Variants in MAPK10 observed in about 807,000 individuals in gnomAD.
MAPK10 encodes JNK3 alpha protein kinase.
MAPK10 carries 25 observed loss-of-function variants against 59.3 expected under a neutral mutation model. The observed-to-expected ratio is 0.42, with a 90% CI of 0.31 to 0.59. MAPK10 has a LOEUF of 0.59. MAPK10 is among the 20% of genes least tolerant of loss of function. The pLI, the probability that MAPK10 is intolerant of heterozygous loss-of-function variation, is 0.15. For synonymous variants in MAPK10, 190 were observed against 200.5 expected, an observed-to-expected ratio of 0.95 and a Z score of 0.44; for missense variants, 351 against 568.9, an observed-to-expected ratio of 0.62 and a Z score of 3.90.
chr4:86,196,461 T>C (rs886655168), intron 2 of MAPK10, among the ~76,000 whole-genome samples: 1 of 152,240 alleles, frequency 6.6e-6, no homozygotes, highest in South Asian at 2.1e-4. Context: ...TTCTGGATAT[T>C]AGCCCTTTGT....
chr4:86,489,204 A>G (rs530898490), intron 1 of MAPK10, among the ~76,000 whole-genome samples: 1 of 152,266 alleles, frequency 6.6e-6, no homozygotes, highest in African/African-American at 2.4e-5. Flanking sequence ...CAACCACCAC[A>G]CTGATCCCAT....
At chr4:86,511,253 G>A (rs1054216397) in intron 1 of MAPK10, among the ~76,000 whole-genome samples, 1 of 151,530 alleles carries the variant, frequency 6.6e-6, no homozygotes, top group East Asian at 1.9e-4. Flanking sequence ...GGAGGCCAAG[G>A]TGAGTGGATT....
intron 2 of MAPK10, among the ~76,000 whole-genome samples, chr4:86,205,531 TTATAG>T (rs1328041188): frequency 1.3e-5 from 2 of 151,354 alleles, no homozygotes; most frequent in African/African-American, 4.9e-5. Flanking sequence ...GACAAGAAAA[TTATAG>T]TATAATCTTA....
rs73837440 is a variant in MAPK10 at position 86,197,777 on chromosome 4, T to C, written c.-6-3370A>G. Among the ~76,000 whole-genome samples, 1,158 of 152,220 alleles carry C rather than the reference T, an allele frequency of 7.6e-3. 15 individuals carry two copies. Among genetic ancestry groups the C allele is most frequent in the African/African-American group, 0.026 (1,099 of 41,542 alleles). On this transcript the variant is annotated intron_variant, in intron 2 of 13. Transcript: ENST00000641462. ...AAGGAAGACTGAAAGGATAAGAATA[T>C]ATAAGACATTCCTGAAGAAGAACAA... is the stretch of plus-strand genomic sequence containing the variant.
chr4:86,397,619 T>G (rs1449964269), intron 1 of MAPK10, among the ~76,000 whole-genome samples: 1 of 151,988 alleles, frequency 6.6e-6, no homozygotes, highest in East Asian at 1.9e-4. Flanking sequence ...GGGTGTGAGA[T>G]CCCTTCTTTC....
At chr4:86,442,330 T>C (rs1749512916) in intron 1 of MAPK10, among the ~76,000 whole-genome samples, 1 of 152,158 alleles carries the variant, frequency 6.6e-6, no homozygotes, top group Non-Finnish European at 1.5e-5. Context: ...AAAAATATAT[T>C]AGTTAATTTT....
intron 5 of MAPK10, among the ~76,000 whole-genome samples, chr4:86,105,127 A>G (rs1386921860): frequency 6.6e-6 from 1 of 152,120 alleles, no homozygotes; most frequent in Admixed American, 6.6e-5. Context: ...AATACAGAAA[A>G]CAGGGGACCA....
chr4:86,089,247 C>G (rs1483455334), intron 9 of MAPK10: 4 of 1,612,848 alleles, frequency 2.5e-6, no homozygotes, highest in South Asian at 1.1e-5. Context: ...TATCATTTCT[C>G]CCATGATGCA....
At chr4:86,221,205 AGAAG>A (rs2148640700) in intron 2 of MAPK10, among the ~76,000 whole-genome samples, 1 of 152,326 alleles carries the variant, frequency 6.6e-6, no homozygotes, top group Non-Finnish European at 1.5e-5. Context: ...CAAACTAAAC[AGAAG>A]TGAGGAGGTA....
intron 4 of MAPK10, among the ~76,000 whole-genome samples, chr4:86,130,145 G>C (rs2060747758): frequency 6.6e-6 from 1 of 151,950 alleles, no homozygotes; most frequent in Admixed American, 6.6e-5. Flanking sequence ...TTTTTAATTT[G>C]AGCTGATACT....
At chr4:86,106,033 C>A (rs923562036) in intron 5 of MAPK10, among the ~76,000 whole-genome samples, 2 of 152,096 alleles carry the variant, frequency 1.3e-5, no homozygotes, top group Non-Finnish European at 2.9e-5. Flanking sequence ...ACATGGGCAG[C>A]AATTTGTCTG....
chr4:86,071,101 G>T (rs376337336), intron 9 of MAPK10, among the ~76,000 whole-genome samples: 3 of 151,130 alleles, frequency 2.0e-5, no homozygotes, highest in South Asian at 2.1e-4. Flanking sequence ...GTGTGAGATG[G>T]TATCTCATAG....
At chr4:86,157,591 T>C (rs2068207857) in intron 4 of MAPK10, among the ~76,000 whole-genome samples, 1 of 151,882 alleles carries the variant, frequency 6.6e-6, no homozygotes, top group African/African-American at 2.4e-5. Flanking sequence ...TTCAGAAGCA[T>C]GTCTGGGAAT....
chr4:86,369,303 A>G (rs7694034), intron 1 of MAPK10, among the ~76,000 whole-genome samples: 111,286 of 152,060 alleles, frequency 0.73, 41,359 homozygotes, highest in South Asian at 0.91. Flanking sequence ...TTTATAAACA[A>G]GTCTGCCATC....
intron 2 of MAPK10, among the ~76,000 whole-genome samples, chr4:86,303,280 T>C (rs2095502871): frequency 6.6e-6 from 1 of 152,220 alleles, no homozygotes; most frequent in Admixed American, 6.5e-5. Context: ...TGTTTTTTGC[T>C]CTAAGTAACC....
chr4:86,045,026 A>G (rs1227457306), intron 11 of MAPK10, among the ~76,000 whole-genome samples: 2 of 152,174 alleles, frequency 1.3e-5, no homozygotes, highest in African/African-American at 4.8e-5. Context: ...TTAGGTGACC[A>G]GAGGAACCTT....
intron 1 of MAPK10, among the ~76,000 whole-genome samples, chr4:86,475,009 G>A (rs375696259): frequency 5.3e-5 from 8 of 152,120 alleles, no homozygotes; most frequent in South Asian, 2.1e-4. Flanking sequence ...AAAGCTCCCC[G>A]ACTGAGCACC....
chr4:86,315,074 G>C (rs919234161), intron 2 of MAPK10, among the ~76,000 whole-genome samples: 1 of 151,992 alleles, frequency 6.6e-6, no homozygotes, highest in Non-Finnish European at 1.5e-5. Context: ...TATAGTCTTT[G>C]ATGACACACA....
At chr4:86,431,137 A>G (rs544519934) in intron 1 of MAPK10, among the ~76,000 whole-genome samples, 13 of 152,296 alleles carry the variant, frequency 8.5e-5, no homozygotes, top group African/African-American at 3.1e-4. Flanking sequence ...GAAAAGGAAG[A>G]TAACCTTTTA....
Sources: allele counts gnomAD v4.1 joint callset (sites outside exome capture counted in the v4.1 genomes callset), GRCh38; gene constraint gnomAD v4.1.1; transcripts MANE v1.5; gene names NCBI Gene and HGNC (gene_info 2026-07-23, HGNC 2026-07-21).